Variants in LOC128125818 observed in about 807,000 individuals in gnomAD.
the LOC128125818 span, among the ~76,000 whole-genome samples, chr4:6,068,490 G>C: frequency 6.6e-6 from 1 of 152,026 alleles, no homozygotes; most frequent in Non-Finnish European, 1.5e-5. Flanking sequence ...AGTTCCCATA[G>C]CAGCAACGAG....
the LOC128125818 span, among the ~76,000 whole-genome samples, chr4:6,066,811 G>C: frequency 2.2e-4 from 34 of 152,112 alleles, no homozygotes; most frequent in East Asian, 5.8e-3. Context: ...CCAACATCCA[G>C]GCAGGCTACA....
the LOC128125818 span, among the ~76,000 whole-genome samples, chr4:6,065,456 T>C: frequency 9.9e-3 from 1,507 of 152,256 alleles, 33 homozygotes; most frequent in African/African-American, 0.034. The surrounding 1 kb of genome is among the most constrained non-coding windows in gnomAD (Gnocchi z 5.1). Context: ...TCCAGGGAGA[T>C]GCTCAGTTCT....
the LOC128125818 span, among the ~76,000 whole-genome samples, chr4:6,067,517 A>G: frequency 6.6e-6 from 1 of 152,142 alleles, no homozygotes; most frequent in African/African-American, 2.4e-5. This position sits in a 1 kb window ranked among gnomAD's most constrained non-coding sequence, Gnocchi z 4.6. Context: ...AACCAGCTCT[A>G]GAGAGCAGTG....
the LOC128125818 span, chr4:6,069,971 A>C: frequency 2.5e-6 from 1 of 397,198 alleles, no homozygotes; most frequent in African/African-American, 2.1e-5. This position sits in a 1 kb window ranked among gnomAD's most constrained non-coding sequence, Gnocchi z 4.5. Context: ...CAACAGAGCC[A>C]CCTGTCACAG....
At chr4:6,066,874 C>T in the LOC128125818 span, among the ~76,000 whole-genome samples, 701 of 152,300 alleles carry the variant, frequency 4.6e-3, 3 homozygotes, top group Non-Finnish European at 7.9e-3. Flanking sequence ...CTGGCATCAT[C>T]CCTCCCTCTC....
chr4:6,066,754 C>A, the LOC128125818 span, among the ~76,000 whole-genome samples: 3 of 152,130 alleles, frequency 2.0e-5, no homozygotes, highest in African/African-American at 7.2e-5. Flanking sequence ...GGACCTTCAT[C>A]TTGGTCCCAG....
chr4:6,067,554 C>T, the LOC128125818 span, among the ~76,000 whole-genome samples: 1 of 151,934 alleles, frequency 6.6e-6, no homozygotes, highest in African/African-American at 2.4e-5. The surrounding 1 kb of genome is among the most constrained non-coding windows in gnomAD (Gnocchi z 4.6). Flanking sequence ...GTGACAATGG[C>T]ACCCACGGGA....
chr4:6,069,295 T>C, the LOC128125818 span, among the ~76,000 whole-genome samples: 1 of 152,254 alleles, frequency 6.6e-6, no homozygotes, highest in African/African-American at 2.4e-5. The surrounding 1 kb of genome is among the most constrained non-coding windows in gnomAD (Gnocchi z 4.5). Flanking sequence ...CTCTAGGTTT[T>C]TCCTCACAAG....
chr4:6,066,187 T>C, the LOC128125818 span, among the ~76,000 whole-genome samples: 2 of 151,966 alleles, frequency 1.3e-5, no homozygotes, highest in Non-Finnish European at 2.9e-5. Flanking sequence ...ACTCCCCACA[T>C]ACTAAGGGCC....
chr4:6,065,413 G>A, the LOC128125818 span, among the ~76,000 whole-genome samples: 7 of 152,210 alleles, frequency 4.6e-5, no homozygotes, highest in South Asian at 2.1e-4. The surrounding 1 kb of genome is among the most constrained non-coding windows in gnomAD (Gnocchi z 5.1). Context: ...CATGAGCAGC[G>A]CACTGGCTGT....
At chr4:6,066,836 C>T in the LOC128125818 span, among the ~76,000 whole-genome samples, 2 of 152,162 alleles carry the variant, frequency 1.3e-5, no homozygotes, top group Admixed American at 1.3e-4. Context: ...GTCTGCGAGG[C>T]CCTACAGGAT....
chr4:6,068,115 G>A, the LOC128125818 span, among the ~76,000 whole-genome samples: 3 of 152,164 alleles, frequency 2.0e-5, no homozygotes, highest in Admixed American at 1.3e-4. Flanking sequence ...GGCTCTGCAG[G>A]ACTACCAGTT....
the LOC128125818 span, among the ~76,000 whole-genome samples, chr4:6,069,609 C>T: frequency 2.2e-4 from 33 of 152,114 alleles, no homozygotes; most frequent in Middle Eastern, 3.4e-3. The surrounding 1 kb of genome is among the most constrained non-coding windows in gnomAD (Gnocchi z 4.5). Flanking sequence ...AAAAGTTAGC[C>T]GAGTATGGTG....
chr4:6,067,678 G>T, the LOC128125818 span, among the ~76,000 whole-genome samples: 9 of 141,150 alleles, frequency 6.4e-5, no homozygotes, highest in South Asian at 9.2e-4. The surrounding 1 kb of genome is among the most constrained non-coding windows in gnomAD (Gnocchi z 4.6). Flanking sequence ...TGAGCTCCAG[G>T]TTCACTCAAG....
chr4:6,069,849 C>T, the LOC128125818 span, among the ~76,000 whole-genome samples: 2 of 152,144 alleles, frequency 1.3e-5, no homozygotes, highest in African/African-American at 4.8e-5. The surrounding 1 kb of genome is among the most constrained non-coding windows in gnomAD (Gnocchi z 4.5). Flanking sequence ...TGCTCTTCCT[C>T]AGCGGGTCAG....
the LOC128125818 span, among the ~76,000 whole-genome samples, chr4:6,068,986 A>G: frequency 6.6e-6 from 1 of 152,218 alleles, no homozygotes; most frequent in African/African-American, 2.4e-5. Flanking sequence ...ATTATGCAGT[A>G]AGCCTACATG....
At chr4:6,065,093 G>A in the LOC128125818 span, 2 of 1,528,256 alleles carry the variant, frequency 1.3e-6, no homozygotes, top group South Asian at 1.1e-5. This position sits in a 1 kb window ranked among gnomAD's most constrained non-coding sequence, Gnocchi z 5.1. Flanking sequence ...TGCCAGTGCA[G>A]GGGGGTGATG....
chr4:6,065,796 C>T, the LOC128125818 span, among the ~76,000 whole-genome samples: 1 of 152,176 alleles, frequency 6.6e-6, no homozygotes, highest in African/African-American at 2.4e-5. The surrounding 1 kb of genome is among the most constrained non-coding windows in gnomAD (Gnocchi z 5.1). Context: ...CTTCATTCAT[C>T]TGTCTATCAA....
the LOC128125818 span, among the ~76,000 whole-genome samples, chr4:6,068,354 CAGAACTATGCTGCTTTGAGGGAA>C: frequency 6.6e-6 from 1 of 152,114 alleles, no homozygotes; most frequent in Admixed American, 6.5e-5. Context: ...CAAGACTCCA[CAGAACTATGCTGCTTTGAGGGAA>C]AGAGGAAGCA....
Sources: allele counts gnomAD v4.1 joint callset (sites outside exome capture counted in the v4.1 genomes callset), GRCh38; gene constraint gnomAD v4.1.1; non-coding constraint Gnocchi (gnomAD v3.1); transcripts MANE v1.5.